Variants in SBF2 observed in about 807,000 individuals in gnomAD.
The protein encoded by SBF2 is SET binding factor 2, also known as myotubularin-related protein 13.
Under a neutral mutation model 225.2 loss-of-function variants are expected in SBF2, and 112 were observed. The observed-to-expected ratio is 0.50, with a 90% CI of 0.43 to 0.58. The LOEUF is 0.58. SBF2 is among the 20% of genes least tolerant of loss of function. The probability of loss-of-function intolerance (pLI) is 0.00; values close to 1 mark genes in which losing one functional copy is unlikely to be tolerated. For missense variants in SBF2, 1,996 were observed against 2,206.2 expected, an observed-to-expected ratio of 0.90 and a Z score of 1.91; for synonymous variants, 763 against 773.3, an observed-to-expected ratio of 0.99 and a Z score of 0.22.
chr11:10,266,081 C>A (rs1458944188), intron 1 of SBF2, among the ~76,000 whole-genome samples: 1 of 152,104 alleles, frequency 6.6e-6, no homozygotes, highest in Non-Finnish European at 1.5e-5. Flanking sequence ...CTTATCAGTT[C>A]ATTTAATCCT....
intron 2 of SBF2, among the ~76,000 whole-genome samples, chr11:10,153,473 A>C (rs2135180066): frequency 6.6e-6 from 1 of 152,340 alleles, no homozygotes; most frequent in Non-Finnish European, 1.5e-5. Flanking sequence ...AAATATTTTA[A>C]CTGAATAAAA....
intron 7 of SBF2, 61 bp from the exon 8 acceptor site, chr11:10,001,083 C>T (rs1947936234): frequency 1.2e-6 from 1 of 852,932 alleles, no homozygotes; most frequent in East Asian, 2.6e-5. Context: ...TATCTTCTTT[C>T]ATCTTTATGC....
At chr11:10,256,800 G>GT (rs371799673) in intron 1 of SBF2, among the ~76,000 whole-genome samples, 14 of 152,200 alleles carry the variant, frequency 9.2e-5, no homozygotes, top group African/African-American at 3.4e-4. Flanking sequence ...CCTGGAAAAC[G>GT]TAATAGCATC....
intron 26 of SBF2, among the ~76,000 whole-genome samples, chr11:9,834,977 A>G (rs4243951): frequency 0.71 from 108,422 of 151,968 alleles, 39,810 homozygotes; most frequent in Non-Finnish European, 0.77. Flanking sequence ...ATGGGCTTGC[A>G]TGACAGCTGG....
intron 8 of SBF2, among the ~76,000 whole-genome samples, chr11:10,000,532 T>C (rs1947911820): frequency 6.6e-6 from 1 of 152,218 alleles, no homozygotes; most frequent in Admixed American, 6.5e-5. Context: ...CTCTTTTGCA[T>C]ATGCTTTCTG....
chr11:9,911,531 A>G (rs1250066618), intron 16 of SBF2, among the ~76,000 whole-genome samples: 1 of 152,202 alleles, frequency 6.6e-6, no homozygotes, highest in Non-Finnish European at 1.5e-5. Flanking sequence ...AAAGCAAAAA[A>G]GTTATAGCAA....
Position 9,787,134 on chromosome 11 carries a change from T to TC in SBF2, c.5037+499dup, listed in dbSNP as rs759531460. On this transcript the variant is annotated intron_variant, in intron 36 of 39. Transcript: ENST00000256190. ...TGGTCTCGATCTCTTGACCTCGTGA[T>TC]CCGCCCACCTCGGCCTCCCAAAGTG... Among the ~76,000 whole-genome samples, 164 of 152,152 alleles carry TC rather than the reference T, an allele frequency of 1.1e-3. 1 individual carries two copies. The highest frequency in any genetic ancestry group is 2.3e-3 in the Admixed American group (35 of 15,286).
chr11:9,857,292 T>C (rs1404055935), intron 18 of SBF2, among the ~76,000 whole-genome samples: 1 of 152,310 alleles, frequency 6.6e-6, no homozygotes, highest in South Asian at 2.1e-4. Context: ...ATGGTCTCAC[T>C]TGTACCTAAC....
At chr11:10,087,835 T>C (rs1194003584) in intron 2 of SBF2, among the ~76,000 whole-genome samples, 1 of 152,216 alleles carries the variant, frequency 6.6e-6, no homozygotes, top group Non-Finnish European at 1.5e-5. Flanking sequence ...ACCTGGGTTG[T>C]TTCTGCCATT....
intron 1 of SBF2, among the ~76,000 whole-genome samples, chr11:10,243,682 G>GCC (rs1185068171): frequency 6.6e-6 from 1 of 152,036 alleles, no homozygotes; most frequent in African/African-American, 2.4e-5. Context: ...ACAATTATAT[G>GCC]CCAACAAATT....
intron 17 of SBF2, among the ~76,000 whole-genome samples, chr11:9,861,446 T>G (rs1164771504): frequency 2.0e-5 from 3 of 152,148 alleles, no homozygotes; most frequent in African/African-American, 7.2e-5. Context: ...GGCAGATCAC[T>G]GAAGGTTGGG....
chr11:9,849,598 G>A (rs958632253), intron 22 of SBF2, among the ~76,000 whole-genome samples: 1 of 152,162 alleles, frequency 6.6e-6, no homozygotes, highest in Non-Finnish European at 1.5e-5. Context: ...GGGATTAGTT[G>A]GTGCTGGACA....
At chr11:9,875,971 T>TTC (rs1859198119) in intron 17 of SBF2, among the ~76,000 whole-genome samples, 1 of 151,812 alleles carries the variant, frequency 6.6e-6, no homozygotes, top group East Asian at 1.9e-4. Flanking sequence ...TTTTTTTTTT[T>TTC]CACTAATACA....
intron 16 of SBF2, among the ~76,000 whole-genome samples, chr11:9,917,467 G>A (rs1279645873): frequency 6.6e-6 from 1 of 151,400 alleles, no homozygotes; most frequent in Non-Finnish European, 1.5e-5. Context: ...TAGTAGCTGG[G>A]ATTACAGGCA....
chr11:9,918,479 G>A (rs1449052675), intron 16 of SBF2, among the ~76,000 whole-genome samples: 1 of 151,788 alleles, frequency 6.6e-6, no homozygotes, highest in African/African-American at 2.4e-5. Context: ...TCAGCTTCCT[G>A]AGTAGCTGGA....
intron 6 of SBF2, among the ~76,000 whole-genome samples, chr11:10,013,305 C>T (rs551331502): frequency 6.6e-6 from 1 of 152,304 alleles, no homozygotes; most frequent in African/African-American, 2.4e-5. Context: ...CAAATAAATT[C>T]CACTCCATCT....
At chr11:10,071,263 C>CTTTTTTTT (rs774979361) in intron 2 of SBF2, among the ~76,000 whole-genome samples, 4 of 124,958 alleles carry the variant, frequency 3.2e-5, no homozygotes, top group Non-Finnish European at 6.6e-5. Context: ...TTCTCTCTCT[C>CTTTTTTTT]TCTTTTTTTT....
chr11:9,934,208 A>G (rs1477540382), intron 16 of SBF2, among the ~76,000 whole-genome samples: 5 of 152,260 alleles, frequency 3.3e-5, no homozygotes, highest in Admixed American at 2.6e-4. Flanking sequence ...GAAAATCTAG[A>G]AGAAATGGAT....
chr11:9,984,137 G>A (rs1947088349), intron 13 of SBF2, among the ~76,000 whole-genome samples: 1 of 152,174 alleles, frequency 6.6e-6, no homozygotes, highest in Non-Finnish European at 1.5e-5. Flanking sequence ...ATGAGGGAGG[G>A]AGCAGAGAAA....
Sources: gnomAD v4.1 joint callset for allele counts (sites outside exome capture counted in the v4.1 genomes callset) on GRCh38, gnomAD v4.1.1 for gene constraint, MANE v1.5 for transcripts, NCBI Gene and HGNC (gene_info 2026-07-23, HGNC 2026-07-21) for gene names.